Variants in ATP8A2 observed in about 807,000 individuals in gnomAD.
ATP8A2 encodes the protein ATPase phospholipid transporting 8A2.
In ATP8A2, 100 loss-of-function variants were observed where a neutral mutation model predicts 165.6. The observed-to-expected ratio is 0.60, with a 90% CI of 0.51 to 0.71. The LOEUF (loss-of-function observed/expected upper bound fraction) is 0.71. Among genes scored for constraint, ATP8A2 ranks in the 30% least tolerant of loss-of-function variants. The pLI is 0.00. For synonymous variants in ATP8A2, 543 were observed against 548.8 expected (o/e 0.99, Z 0.15); for missense variants, 1,227 against 1,479.5 (o/e 0.83, Z 2.80).
chr13:25,998,375 C>T lies in ATP8A2; in HGVS notation c.3378-14156C>T, dbSNP rs115895925. On this transcript the variant is annotated intron_variant, in intron 35 of 36. Transcript: ENST00000381655. The stretch of plus-strand genomic sequence containing the variant: ...TGTTGGAGAGCCTCATAACAGTCTC[C>T]TAAGGGAAGAAGTCTAAGAGCACCA... 7.1e-3 allele frequency among the ~76,000 whole-genome samples: 1,074 copies of T among 152,206 alleles called. 9 individuals carry two copies. Among genetic ancestry groups the T allele is most frequent in the African/African-American group, 0.024 (1,017 of 41,524 alleles).
intron 24 of ATP8A2, among the ~76,000 whole-genome samples, chr13:25,684,338 G>A (rs1193710083): frequency 1.3e-5 from 2 of 152,318 alleles, no homozygotes; most frequent in Admixed American, 6.5e-5. Context: ...GCCTTGGAAA[G>A]CCCTGAATAG....
chr13:25,646,006 G>A (rs1436960631), intron 24 of ATP8A2, among the ~76,000 whole-genome samples: 1 of 152,084 alleles, frequency 6.6e-6, no homozygotes. Context: ...ATTGAAAGTG[G>A]AGTATTGAAG....
At chr13:25,573,462 A>G (rs2039525556) in intron 18 of ATP8A2, among the ~76,000 whole-genome samples, 1 of 152,226 alleles carries the variant, frequency 6.6e-6, no homozygotes, top group Non-Finnish European at 1.5e-5. Flanking sequence ...AGATAACAGT[A>G]ATAAAAAGAA....
intron 24 of ATP8A2, among the ~76,000 whole-genome samples, chr13:25,594,990 A>G (rs1002635637): frequency 6.7e-5 from 10 of 149,128 alleles, no homozygotes; most frequent in African/African-American, 9.8e-5. Flanking sequence ...GTGTGTATAT[A>G]TATATATATA....
intron 2 of ATP8A2, among the ~76,000 whole-genome samples, chr13:25,472,502 G>A (rs1002958387): frequency 2.0e-5 from 3 of 151,986 alleles, no homozygotes; most frequent in Admixed American, 6.6e-5. Context: ...CTGAACTCAA[G>A]TTTTATGATA....
intron 1 of ATP8A2, among the ~76,000 whole-genome samples, chr13:25,459,640 TG>T (rs1566148613): frequency 5.9e-5 from 9 of 152,220 alleles, no homozygotes; most frequent in Admixed American, 5.9e-4. Flanking sequence ...AGTGCTTCTG[TG>T]GGGAAGTGAC....
chr13:25,533,809 G>A (rs1314071658), intron 6 of ATP8A2, among the ~76,000 whole-genome samples: 1 of 152,188 alleles, frequency 6.6e-6, no homozygotes, highest in Non-Finnish European at 1.5e-5. Context: ...TTAGAGGGTT[G>A]AAGAATGGTG....
chr13:25,942,985 T>C (rs1955111136), intron 33 of ATP8A2, among the ~76,000 whole-genome samples: 1 of 152,088 alleles, frequency 6.6e-6, no homozygotes, highest in Admixed American at 6.5e-5. Flanking sequence ...TCAAGCATTG[T>C]CCAGTGAGGT....
At chr13:25,806,959 A>G (rs1950753899) in intron 27 of ATP8A2, among the ~76,000 whole-genome samples, 1 of 152,108 alleles carries the variant, frequency 6.6e-6, no homozygotes, top group Non-Finnish European at 1.5e-5. Context: ...TGTGGTTATT[A>G]GCCGTTTATA....
chr13:25,831,443 G>A (rs907032326), intron 28 of ATP8A2, among the ~76,000 whole-genome samples: 2 of 152,064 alleles, frequency 1.3e-5, no homozygotes, highest in Non-Finnish European at 2.9e-5. Context: ...TCAATCTCCT[G>A]AACTCGTGTT....
chr13:25,789,457 CAA>C (rs977153630), intron 27 of ATP8A2, among the ~76,000 whole-genome samples: 2 of 152,020 alleles, frequency 1.3e-5, no homozygotes, highest in African/African-American at 4.8e-5. Flanking sequence ...ACAGTCAAGT[CAA>C]GAGTCAAATC....
intron 25 of ATP8A2, among the ~76,000 whole-genome samples, chr13:25,756,268 G>A (rs1299501144): frequency 6.6e-6 from 1 of 151,636 alleles, no homozygotes; most frequent in South Asian, 2.1e-4. Context: ...TGGCAATGGC[G>A]GTGTCCCCAT....
intron 24 of ATP8A2, among the ~76,000 whole-genome samples, chr13:25,683,792 T>C (rs2042544604): frequency 1.3e-5 from 2 of 152,110 alleles, no homozygotes; most frequent in Non-Finnish European, 2.9e-5. Flanking sequence ...TTGTTTGGAC[T>C]GCACTGTGAA....
At chr13:25,485,521 A>T (rs2036324646) in intron 2 of ATP8A2, among the ~76,000 whole-genome samples, 2 of 152,228 alleles carry the variant, frequency 1.3e-5, no homozygotes, top group African/African-American at 4.8e-5. Context: ...GGGCCTACAC[A>T]TGAACATCTG....
At chr13:25,511,037 A>G (rs1359321492) in intron 2 of ATP8A2, among the ~76,000 whole-genome samples, 1 of 152,170 alleles carries the variant, frequency 6.6e-6, no homozygotes, top group Admixed American at 6.5e-5. Flanking sequence ...TTTCTACCAT[A>G]TTTCAAAATT....
At chr13:25,448,051 GC>G (rs2035116492) in intron 1 of ATP8A2, among the ~76,000 whole-genome samples, 1 of 152,128 alleles carries the variant, frequency 6.6e-6, no homozygotes, top group South Asian at 2.1e-4. Context: ...GGTGTGGTGT[GC>G]CAAAAGGTGA....
At chr13:25,378,173 G>A (rs1188264357) in intron 1 of ATP8A2, among the ~76,000 whole-genome samples, 2 of 152,050 alleles carry the variant, frequency 1.3e-5, no homozygotes, top group African/African-American at 2.4e-5. Flanking sequence ...TGTGGTGGGG[G>A]AGGGTTACTG....
In ATP8A2 at chr13:25,791,536, C is replaced by CACAT. The variant is rs767882932; in HGVS notation, c.2679+16580_2679+16581insTACA. 7.2e-3 allele frequency among the ~76,000 whole-genome samples: 824 copies of CACAT among 114,758 alleles called. 15 individuals are homozygous for CACAT. The East Asian group carries it at 0.081, about 11-fold the overall frequency. The allele number at this position is 114,758 out of a possible 152,430, so 75.3% of individuals were successfully genotyped here. On this transcript the variant is annotated intron_variant, in intron 27 of 36. Transcript: ENST00000381655. ...ATGTATCCCCGAACTTAAACACACA[C>CACAT]ACACATACACACACACACACACACA...
At chr13:25,930,902 G>A (rs1001614092) in intron 33 of ATP8A2, among the ~76,000 whole-genome samples, 1 of 152,144 alleles carries the variant, frequency 6.6e-6, no homozygotes, top group Admixed American at 6.6e-5. Context: ...CCTTGCCGCC[G>A]GTGTTCCTTT....
Sources: allele counts gnomAD v4.1 joint callset (sites outside exome capture counted in the v4.1 genomes callset), GRCh38; gene constraint gnomAD v4.1.1; transcripts MANE v1.5; gene names NCBI Gene and HGNC (gene_info 2026-07-23, HGNC 2026-07-21).